Variants in ROBO2 observed in about 807,000 individuals in gnomAD.
ROBO2 encodes the protein roundabout guidance receptor 2, also known as roundabout homolog 2.
A neutral mutation model predicts 160.8 loss-of-function variants in ROBO2; 53 were observed. The ratio of observed to expected loss-of-function variants is 0.33; its 90% CI spans 0.26 to 0.41. ROBO2 has a LOEUF of 0.41. Ranked by LOEUF, ROBO2 falls within the 10% of genes least tolerant of loss-of-function variation. ROBO2 has a pLI of 1.00. For synonymous variants in ROBO2, 664 were observed against 611.7 expected (o/e 1.09, Z -1.26); for missense variants, 1,577 against 1,722.4 (o/e 0.92, Z 1.49).
At chr3:76,256,911 A>C (rs1054230333) in intron 2 of ROBO2, among the ~76,000 whole-genome samples, 1 of 151,978 alleles carries the variant, frequency 6.6e-6, no homozygotes, top group African/African-American at 2.4e-5. Flanking sequence ...CATGGTAAGA[A>C]GGGGAGCAAG....
intron 2 of ROBO2, among the ~76,000 whole-genome samples, chr3:76,620,462 C>T (rs909981130): frequency 3.3e-5 from 5 of 152,046 alleles, no homozygotes; most frequent in African/African-American, 1.2e-4. Context: ...TCATCTAAAC[C>T]GCATTCTAGG....
intron 2 of ROBO2, among the ~76,000 whole-genome samples, chr3:76,084,026 T>C (rs921420150): frequency 6.6e-6 from 1 of 152,054 alleles, no homozygotes; most frequent in East Asian, 1.9e-4. Context: ...GGATATTGTG[T>C]TGGGGAAAAA....
chr3:77,027,288 G>C (rs2063028522), intron 2 of ROBO2, among the ~76,000 whole-genome samples: 1 of 152,140 alleles, frequency 6.6e-6, no homozygotes, highest in Non-Finnish European at 1.5e-5. Context: ...CCTGAGCAAA[G>C]TAGGTAAGAA....
intron 2 of ROBO2, among the ~76,000 whole-genome samples, chr3:76,314,584 C>T (rs2071849311): frequency 6.6e-6 from 1 of 152,114 alleles, no homozygotes; most frequent in Admixed American, 6.5e-5. Context: ...TCCTCTTCTT[C>T]TTTAACCTAC....
At chr3:76,962,396 T>C (rs2079733395) in intron 2 of ROBO2, among the ~76,000 whole-genome samples, 1 of 151,652 alleles carries the variant, frequency 6.6e-6, no homozygotes, top group Non-Finnish European at 1.5e-5. Context: ...CCTAGCACTT[T>C]GGAAGGCTGA....
chr3:76,185,191 C>A (rs1701685579), intron 2 of ROBO2, among the ~76,000 whole-genome samples: 1 of 5,470 alleles, frequency 1.8e-4, no homozygotes, highest in Non-Finnish European at 8.7e-4. Context: ...TATAAGTAAA[C>A]ACAGATATAT....
chr3:77,479,936 C>A (rs925081659), intron 3 of ROBO2, among the ~76,000 whole-genome samples: 2 of 152,078 alleles, frequency 1.3e-5, no homozygotes, highest in Non-Finnish European at 2.9e-5. Context: ...TGTACAAGAA[C>A]CTTTCTTCCA....
At chr3:77,287,765 T>C (rs765080621) in intron 2 of ROBO2, among the ~76,000 whole-genome samples, 13 of 152,188 alleles carry the variant, frequency 8.5e-5, no homozygotes, top group Admixed American at 2.0e-4. Flanking sequence ...TCTTATTTTT[T>C]CTTTTGCAGA....
At chr3:77,489,621 G>C (rs1368355058) in intron 4 of ROBO2, among the ~76,000 whole-genome samples, 4 of 152,146 alleles carry the variant, frequency 2.6e-5, no homozygotes, top group African/African-American at 9.7e-5. Flanking sequence ...TGTAACGTTT[G>C]CCATTTGGAT....
At chr3:77,577,926 G>C (rs951594075) in intron 15 of ROBO2, among the ~76,000 whole-genome samples, 1 of 151,982 alleles carries the variant, frequency 6.6e-6, no homozygotes, top group African/African-American at 2.4e-5. Context: ...CTAGAAAATG[G>C]ATTTTATCTT....
intron 2 of ROBO2, among the ~76,000 whole-genome samples, chr3:76,251,507 G>T (rs1041666357): frequency 2.6e-5 from 4 of 152,032 alleles, no homozygotes; most frequent in Non-Finnish European, 1.5e-5. Context: ...GTGGTAAAAT[G>T]GTCAATTTCT....
At chr3:76,598,834 A>G (rs1269237548) in intron 2 of ROBO2, among the ~76,000 whole-genome samples, 2 of 152,168 alleles carry the variant, frequency 1.3e-5, no homozygotes, top group South Asian at 2.1e-4. Flanking sequence ...TTAATTTTCA[A>G]TTCTTCAAAG....
chr3:77,174,622 C>T (rs1011925119), intron 2 of ROBO2, among the ~76,000 whole-genome samples: 1 of 152,020 alleles, frequency 6.6e-6, no homozygotes, highest in East Asian at 1.9e-4. Context: ...TTCTCCAAAT[C>T]TTCATTTATC....
At chr3:77,350,842 G>A (rs1453884505) in intron 2 of ROBO2, among the ~76,000 whole-genome samples, 3 of 152,174 alleles carry the variant, frequency 2.0e-5, no homozygotes, top group African/African-American at 7.2e-5. Flanking sequence ...CAGAAGAGGA[G>A]TCTCAGTCTT....
intron 2 of ROBO2, among the ~76,000 whole-genome samples, chr3:76,507,322 G>C (rs766783770): frequency 6.6e-6 from 1 of 151,784 alleles, no homozygotes; most frequent in African/African-American, 2.4e-5. Flanking sequence ...ATTTGATTAG[G>C]TTTTATAATT....
At position 76,727,656 on chromosome 3, in the gene ROBO2, C is replaced by T. The variant is rs78440732; in HGVS notation, c.110-370358C>T. ...ATAAGTTGGGCACGGAAACAAATAT[C>T]GCAAGTTCTCATTCATTTGTGGAAG... On this transcript the variant is annotated intron_variant, in intron 2 of 26. Transcript: ENST00000487694. Among the ~76,000 whole-genome samples the T allele has an allele frequency of 7.5e-3, 1,146 of 152,094 alleles. 16 individuals are homozygous for T. The highest frequency in any genetic ancestry group is 0.026 in the African/African-American group (1,095 of 41,492).
chr3:76,826,001 T>G (rs2066556351), intron 2 of ROBO2, among the ~76,000 whole-genome samples: 1 of 152,054 alleles, frequency 6.6e-6, no homozygotes, highest in Admixed American at 6.6e-5. Flanking sequence ...AGATTTTTTT[T>G]TTTTCAAATC....
In ROBO2 at chr3:76,982,667, TG is replaced by T. The variant is rs1288145086; in HGVS notation, c.110-115343del. 2.0e-5 allele frequency among the ~76,000 whole-genome samples: 3 copies of T among 152,334 alleles called. No individual in the cohort carries two copies. In the East Asian group the frequency reaches 5.8e-4, roughly 29 times the overall value. On this transcript the variant is annotated intron_variant, in intron 2 of 26. Coordinates refer to the ROBO2 transcript ENST00000487694. ...GAAATAAAATAAAATGAAAGAATTA[TG>T]GGGCACGGTTGTATCTTATTAATTT... is the stretch of plus-strand genomic sequence containing the variant.
At chr3:76,429,957 T>C (rs1030264466) in intron 2 of ROBO2, among the ~76,000 whole-genome samples, 1 of 152,006 alleles carries the variant, frequency 6.6e-6, no homozygotes, top group Admixed American at 6.6e-5. Flanking sequence ...ACAAACAGCA[T>C]AGACAGTTTG....
Sources: allele counts gnomAD v4.1 joint callset (sites outside exome capture counted in the v4.1 genomes callset), GRCh38; gene constraint gnomAD v4.1.1; transcripts MANE v1.5; gene names NCBI Gene and HGNC (gene_info 2026-07-23, HGNC 2026-07-21).